Variants in HFM1 observed in about 807,000 individuals in gnomAD.
HFM1 encodes probable ATP-dependent DNA helicase HFM1.
In HFM1, 169 loss-of-function variants were observed where a neutral mutation model predicts 192.1. The observed-to-expected ratio is 0.88, with a 90% CI of 0.78 to 1.00. The LOEUF (loss-of-function observed/expected upper bound fraction) is 1.00. Ranked by LOEUF, HFM1 falls within the 50% of genes least tolerant of loss-of-function variation. The probability of loss-of-function intolerance (pLI) is 0.00; values close to 1 mark genes in which losing one functional copy is unlikely to be tolerated. For missense variants in HFM1, 1,661 were observed against 1,668.0 expected (o/e 1.00, Z 0.07); for synonymous variants, 525 against 537.8 (o/e 0.98, Z 0.33).
At chr1:91,348,283 T>C (rs557574778) in intron 18 of HFM1, among the ~76,000 whole-genome samples, 4 of 152,252 alleles carry the variant, frequency 2.6e-5, no homozygotes, top group Non-Finnish European at 5.9e-5. Context: ...AAGATACCAA[T>C]ATTCATACAT....
In HFM1 at chr1:91,319,205, C is replaced by T; in HGVS notation, c.2685G>A (p.Leu895=). The change falls in exon 25 of 39, where the codon TTG becomes TTA. Residue 895 remains leucine, a synonymous_variant. Coordinates refer to ENST00000370425, the MANE Select transcript of HFM1 (RefSeq NM_001017975.6). ...TTTCTTGAGCAGCTACAAAATCTGA[C>T]AACCCTAAAAAAAAAGTTTCCAGTA... ...FRHGSRITRW[L]SDFVAAQEKK... 6.2e-7 allele frequency: 1 copy of T among 1,603,202 alleles called. No homozygotes were observed. The highest frequency in any genetic ancestry group is 1.1e-5 in the South Asian group (1 of 88,390).
chr1:91,323,237 AT>A, intron 21 of HFM1, 38 bp from the exon 22 acceptor site: 1 of 1,065,110 alleles, frequency 9.4e-7, no homozygotes, highest in South Asian at 1.4e-5. Flanking sequence ...AATGAAGTCT[AT>A]TTTTTATTTC....
chr1:91,388,427 G>T (rs1399717303), intron 4 of HFM1, among the ~76,000 whole-genome samples: 1 of 152,174 alleles, frequency 6.6e-6, no homozygotes, highest in African/African-American at 2.4e-5. Flanking sequence ...GAATCAGTCG[G>T]TGTCAGTCAA....
At chr1:91,339,987 G>T (rs570087861) in intron 20 of HFM1, among the ~76,000 whole-genome samples, 1 of 152,002 alleles carries the variant, frequency 6.6e-6, no homozygotes, top group Non-Finnish European at 1.5e-5. Flanking sequence ...AATCCTACAC[G>T]CCAGAAGAGT....
chr1:91,379,988 G>C (rs1412728190), intron 8 of HFM1, 116 bp downstream of exon 8: 1 of 462,788 alleles, frequency 2.2e-6, no homozygotes, highest in Non-Finnish European at 3.7e-6. Flanking sequence ...GACTTTACTA[G>C]AAATATATAG....
At chr1:91,381,285 AC>A (rs1248794354) in intron 6 of HFM1, among the ~76,000 whole-genome samples, 1 of 152,184 alleles carries the variant, frequency 6.6e-6, no homozygotes, top group Non-Finnish European at 1.5e-5. Context: ...TCAGAACTAC[AC>A]TTCTAGTTTA....
intron 18 of HFM1, among the ~76,000 whole-genome samples, chr1:91,349,376 G>A (rs1299301601): frequency 6.6e-6 from 1 of 152,150 alleles, no homozygotes; most frequent in African/African-American, 2.4e-5. Flanking sequence ...CCAGGACTCA[G>A]TGACTTGCTT....
At chr1:91,377,607 T>C (rs1452722814) in intron 11 of HFM1, 1 of 170,380 alleles carries the variant, frequency 5.9e-6, no homozygotes, top group African/African-American at 2.4e-5. Flanking sequence ...TTTGCATCTA[T>C]ATTTAGTGCT....
chr1:91,334,444 G>T (rs890471244), intron 20 of HFM1, among the ~76,000 whole-genome samples: 3 of 152,110 alleles, frequency 2.0e-5, no homozygotes, highest in African/African-American at 7.2e-5. Flanking sequence ...GCCCTCAAAT[G>T]ATATTAAAAG....
At chr1:91,326,335 G>A (rs1214428929) in intron 20 of HFM1, among the ~76,000 whole-genome samples, 2 of 152,006 alleles carry the variant, frequency 1.3e-5, no homozygotes, top group Non-Finnish European at 2.9e-5. Flanking sequence ...ACTCCCAAAG[G>A]TCAAGGATAA....
chr1:91,283,794 TC>T (rs1423915900), intron 30 of HFM1, among the ~76,000 whole-genome samples: 3 of 152,146 alleles, frequency 2.0e-5, no homozygotes, highest in Admixed American at 6.5e-5. Context: ...AAGGGTCACT[TC>T]TTTAAAAAAA....
intron 34 of HFM1, among the ~76,000 whole-genome samples, chr1:91,271,409 A>C (rs12566911): frequency 2.3e-4 from 35 of 152,098 alleles, no homozygotes; most frequent in Middle Eastern, 3.4e-3. Flanking sequence ...ACTTGAGACA[A>C]TTGGTTCCTT....
chr1:91,276,013 T>C (rs1477167514), intron 32 of HFM1, among the ~76,000 whole-genome samples: 1 of 152,198 alleles, frequency 6.6e-6, no homozygotes, highest in Non-Finnish European at 1.5e-5. Flanking sequence ...CCTTTACTTG[T>C]AATCAAACTC....
intron 30 of HFM1, among the ~76,000 whole-genome samples, chr1:91,306,921 C>T (rs1649687961): frequency 6.6e-6 from 1 of 152,074 alleles, no homozygotes; most frequent in Non-Finnish European, 1.5e-5. Context: ...AGCTTTGCTT[C>T]TCAATAAATA....
At chr1:91,267,646 C>T (rs1665893967) in intron 35 of HFM1, 99 bp downstream of exon 35, 1 of 587,152 alleles carries the variant, frequency 1.7e-6, no homozygotes, top group Non-Finnish European at 2.9e-6. Context: ...ACTAAACAAG[C>T]ACACACAACA....
intron 20 of HFM1, among the ~76,000 whole-genome samples, chr1:91,340,588 C>A (rs974597767): frequency 6.6e-6 from 1 of 152,102 alleles, no homozygotes; most frequent in African/African-American, 2.4e-5. Context: ...AATGACAAAT[C>A]TACACATACC....
Position 91,261,028 on chromosome 1 carries a change from C to A in HFM1, c.*262G>T. 4.1e-6 allele frequency: 1 copy of A among 245,608 alleles called. No individual in the cohort carries two copies. 15.2% of individuals were successfully genotyped at this position (245,608 alleles called of 1,614,324 possible). A position where few individuals can be genotyped will look rare whatever the true frequency, so the allele number is the denominator to read the frequency against. On this transcript the variant is annotated 3_prime_UTR_variant, in exon 39 of 39. Transcript: ENST00000370425. ...ATAGCCAAATAATTATTTCTAAGTG[C>A]AACTTATTTCTAAGTGCAATCAGCC...
At chr1:91,304,350 AT>A (rs1483468798) in intron 30 of HFM1, among the ~76,000 whole-genome samples, 11 of 152,062 alleles carry the variant, frequency 7.2e-5, no homozygotes, top group African/African-American at 2.7e-4. Flanking sequence ...CAATTCATCT[AT>A]TTTTTCTTTG....
At chr1:91,347,568 A>G (rs1374924194) in intron 18 of HFM1, 92 bp from the exon 19 acceptor site, 11 of 664,786 alleles carry the variant, frequency 1.7e-5, no homozygotes, top group Non-Finnish European at 1.7e-5. Context: ...GTCTAATGAA[A>G]TCTTATATAA....
Sources: gnomAD v4.1 joint callset for allele counts (sites outside exome capture counted in the v4.1 genomes callset) on GRCh38, gnomAD v4.1.1 for gene constraint, MANE v1.5 for transcripts, NCBI Gene and HGNC (gene_info 2026-07-23, HGNC 2026-07-21) for gene names.